Variants in PHACTR3 observed in about 807,000 individuals in gnomAD.
PHACTR3 encodes the protein protein phosphatase 1, regulatory subunit 123.
Under a neutral mutation model 66.8 loss-of-function variants are expected in PHACTR3, and 16 were observed. The ratio of observed to expected loss-of-function variants is 0.24; its 90% CI spans 0.16 to 0.36. The LOEUF is 0.36. Ranked by LOEUF, PHACTR3 falls within the 10% of genes least tolerant of loss-of-function variation. The probability of loss-of-function intolerance (pLI) is 1.00; values close to 1 mark genes in which losing one functional copy is unlikely to be tolerated. For missense variants in PHACTR3, 647 were observed against 719.9 expected, an observed-to-expected ratio of 0.90 and a Z score of 1.16; for synonymous variants, 323 against 292.1, an observed-to-expected ratio of 1.11 and a Z score of -1.08.
chr20:59,632,069 G>A (rs2034685641), intron 1 of PHACTR3, among the ~76,000 whole-genome samples: 1 of 152,176 alleles, frequency 6.6e-6, no homozygotes, highest in Non-Finnish European at 1.5e-5. Context: ...TGTGGGGACT[G>A]TATCATCTGG....
At chr20:59,737,530 G>GCGTGCGTGTGCGTGTA (rs1278410959) in intron 1 of PHACTR3, among the ~76,000 whole-genome samples, 1 of 67,540 alleles carries the variant, frequency 1.5e-5, no homozygotes, top group Admixed American at 1.8e-4. Flanking sequence ...GCGTGTATGT[G>GCGTGCGTGTGCGTGTA]TGTGCGTGCA....
chr20:59,621,488 C>T (rs1420510589), intron 1 of PHACTR3, among the ~76,000 whole-genome samples: 5 of 152,332 alleles, frequency 3.3e-5, no homozygotes, highest in African/African-American at 9.6e-5. Context: ...TAACATGCCC[C>T]GTTTCTCTCT....
chr20:59,737,535 C>CAT (rs1237023567), intron 1 of PHACTR3, among the ~76,000 whole-genome samples: 10 of 151,348 alleles, frequency 6.6e-5, no homozygotes, highest in Non-Finnish European at 1.5e-4. Flanking sequence ...TATGTGTGTG[C>CAT]GTGCATGTGC....
chr20:59,603,988 C>T (rs1384417664), upstream of PHACTR3: 1 of 152,290 alleles, frequency 6.6e-6, no homozygotes, highest in Non-Finnish European at 1.5e-5. Context: ...TTGCCTGGCC[C>T]CTCAGGTTCC....
intron 7 of PHACTR3, among the ~76,000 whole-genome samples, chr20:59,782,332 A>G (rs1390672287): frequency 6.6e-6 from 1 of 152,034 alleles, no homozygotes; most frequent in Admixed American, 6.6e-5. Context: ...GCTCACTGCA[A>G]CCTCCACCTC....
chr20:59,838,086 G>A (rs933511544), intron 9 of PHACTR3, among the ~76,000 whole-genome samples: 1 of 152,146 alleles, frequency 6.6e-6, no homozygotes, highest in Non-Finnish European at 1.5e-5. Context: ...CCTCTGCGGT[G>A]GCCATGGCAA....
chr20:59,837,551 T>C (rs890406527), intron 9 of PHACTR3, among the ~76,000 whole-genome samples: 2 of 152,222 alleles, frequency 1.3e-5, no homozygotes, highest in Non-Finnish European at 1.5e-5. Context: ...TTCTTCATTT[T>C]ACTTTTTAAA....
chr20:59,580,532 C>G (rs1447271158), intron 1 of PHACTR3, among the ~76,000 whole-genome samples: 1 of 151,560 alleles, frequency 6.6e-6, no homozygotes, highest in Non-Finnish European at 1.5e-5. Flanking sequence ...TTTCGAAGTG[C>G]TGACTCGTAG....
At chr20:59,721,177 C>T (rs546941731) in intron 1 of PHACTR3, 2 of 152,398 alleles carry the variant, frequency 1.3e-5, no homozygotes, top group Admixed American at 1.3e-4. Flanking sequence ...GGTTATGTAA[C>T]TTGCCCAAGT....
intron 5 of PHACTR3, 56 bp from the exon 6 acceptor site, chr20:59,773,223 C>A: frequency 6.4e-7 from 1 of 1,563,414 alleles, no homozygotes; most frequent in South Asian, 1.2e-5. Flanking sequence ...CTCAGCAAAA[C>A]CCTTGGTCCC....
chr20:59,822,101 A>C (rs934714941), intron 8 of PHACTR3, among the ~76,000 whole-genome samples: 1 of 53,626 alleles, frequency 1.9e-5, no homozygotes, highest in Admixed American at 2.1e-4. Flanking sequence ...CAGCGATCCC[A>C]CCCCCTCCGC....
At chr20:59,714,231 T>C (rs745693792) in intron 1 of PHACTR3, among the ~76,000 whole-genome samples, 1 of 152,264 alleles carries the variant, frequency 6.6e-6, no homozygotes, top group Non-Finnish European at 1.5e-5. Context: ...TAGGTCCATT[T>C]AGCAATCTTT....
At chr20:59,680,584 CT>C (rs1384983012) in intron 1 of PHACTR3, among the ~76,000 whole-genome samples, 2 of 152,200 alleles carry the variant, frequency 1.3e-5, no homozygotes, top group African/African-American at 4.8e-5. Flanking sequence ...AACCCAAGGC[CT>C]GTGGGACGCA....
intron 1 of PHACTR3, among the ~76,000 whole-genome samples, chr20:59,617,020 G>A (rs2034049874): frequency 1.3e-5 from 2 of 152,116 alleles, no homozygotes; most frequent in Non-Finnish European, 2.9e-5. Context: ...ACTTCAAACA[G>A]TGTTGACATT....
intron 7 of PHACTR3, among the ~76,000 whole-genome samples, chr20:59,788,407 C>A (rs1255560234): frequency 6.6e-6 from 1 of 152,116 alleles, no homozygotes; most frequent in Non-Finnish European, 1.5e-5. Flanking sequence ...CCACGCCTGG[C>A]AGCCCCTCCT....
rs1414853190 is a variant in PHACTR3, at chr20:59,635,161, C to CTT, written c.118+30031_118+30032dup. The stretch of plus-strand genomic sequence containing the variant: ...TTTCTTTCTTTCTTTTTCTTTCTTT[C>CTT]TTTCTTTCCTTTCTTTCTTTCTTTC... On this transcript the variant is annotated intron_variant, in intron 1 of 12. Transcript: ENST00000371015. Among the ~76,000 whole-genome samples, 23 of 44,094 alleles carry CTT rather than the reference C, an allele frequency of 5.2e-4. No individual in the cohort carries two copies. In the East Asian group the frequency reaches 7.1e-3, roughly 14 times the overall value. 28.9% of individuals were successfully genotyped at this position (44,094 alleles called of 152,430 possible).
chr20:59,742,325 A>G (rs940432735), intron 1 of PHACTR3, among the ~76,000 whole-genome samples: 1 of 152,230 alleles, frequency 6.6e-6, no homozygotes, highest in Admixed American at 6.5e-5. Context: ...GTAGGTCGGT[A>G]TGAGTCTCTT....
At chr20:59,782,334 C>T (rs141216064) in intron 7 of PHACTR3, among the ~76,000 whole-genome samples, 72 of 152,294 alleles carry the variant, frequency 4.7e-4, no homozygotes, top group African/African-American at 1.6e-3. Flanking sequence ...TCACTGCAAC[C>T]TCCACCTCCG....
At chr20:59,695,117 T>G (rs889743833) in intron 1 of PHACTR3, among the ~76,000 whole-genome samples, 5 of 152,120 alleles carry the variant, frequency 3.3e-5, no homozygotes, top group African/African-American at 1.2e-4. Flanking sequence ...ACATCCTGGC[T>G]GAGTTTATTA....
Sources: gnomAD v4.1 joint callset for allele counts (sites outside exome capture counted in the v4.1 genomes callset) on GRCh38, gnomAD v4.1.1 for gene constraint, MANE v1.5 for transcripts, NCBI Gene and HGNC (gene_info 2026-07-23, HGNC 2026-07-21) for gene names.